DLG2: variants seen among roughly 807,000 people sequenced by gnomAD.
DLG2 encodes discs large MAGUK scaffold protein 2, also known as disks large homolog 2.
A neutral mutation model predicts 132.5 loss-of-function variants in DLG2; 45 were observed. The ratio of observed to expected loss-of-function variants is 0.34; its 90% confidence interval spans 0.27 to 0.44. The LOEUF is 0.44. DLG2 is among the 20% of genes least tolerant of loss of function. DLG2 has a pLI of 1.00. For missense variants in DLG2, 1,045 were observed against 1,196.9 expected (o/e 0.87, Z 1.87); for synonymous variants, 424 against 419.6 (o/e 1.01, Z -0.13).
At chr11:85,467,848 T>C (rs921173735) in intron 3 of DLG2, among the ~76,000 whole-genome samples, 2 of 152,242 alleles carry the variant, frequency 1.3e-5, no homozygotes, top group African/African-American at 4.8e-5. Context: ...GAGGATTCCC[T>C]CTTTTTCTAC....
intron 7 of DLG2, among the ~76,000 whole-genome samples, chr11:84,330,420 G>A (rs189710848): frequency 2.0e-3 from 301 of 152,216 alleles, no homozygotes; most frequent in Non-Finnish European, 3.2e-3. Flanking sequence ...ACCATATATA[G>A]TAAACATTGA....
chr11:84,391,319 T>C (rs1245345958), intron 7 of DLG2, among the ~76,000 whole-genome samples: 2 of 152,148 alleles, frequency 1.3e-5, no homozygotes, highest in Non-Finnish European at 2.9e-5. Context: ...ATATGAAATA[T>C]TTGATTGGAT....
chr11:84,742,890 T>C (rs1168884541), intron 6 of DLG2, among the ~76,000 whole-genome samples: 1 of 152,172 alleles, frequency 6.6e-6, no homozygotes, highest in Non-Finnish European at 1.5e-5. Context: ...TCTCATATAA[T>C]TGGAATCATA....
At chr11:84,925,710 A>G (rs1403360352) in intron 6 of DLG2, among the ~76,000 whole-genome samples, 1 of 152,198 alleles carries the variant, frequency 6.6e-6, no homozygotes, top group Non-Finnish European at 1.5e-5. Flanking sequence ...AGGCTTCCAT[A>G]CTGCAAGTGA....
chr11:84,396,931 A>C (rs1357416945), intron 7 of DLG2, among the ~76,000 whole-genome samples: 1 of 152,152 alleles, frequency 6.6e-6, no homozygotes, highest in African/African-American at 2.4e-5. Flanking sequence ...CAAAGGTCCT[A>C]AATTTAAGGG....
At chr11:83,893,731 G>T (rs915617888) in intron 15 of DLG2, among the ~76,000 whole-genome samples, 5 of 152,182 alleles carry the variant, frequency 3.3e-5, no homozygotes, top group African/African-American at 1.2e-4. Context: ...AACTTACTGA[G>T]AATTCTTTAA....
intron 7 of DLG2, among the ~76,000 whole-genome samples, chr11:84,328,041 C>T (rs1170890623): frequency 1.3e-5 from 2 of 152,120 alleles, no homozygotes; most frequent in East Asian, 3.9e-4. Context: ...CCAACTCTTC[C>T]CGTTCTAGAT....
At chr11:85,473,643 T>C (rs2093053855) in intron 3 of DLG2, among the ~76,000 whole-genome samples, 1 of 151,932 alleles carries the variant, frequency 6.6e-6, no homozygotes. Context: ...AATAAAATAT[T>C]ATACAATGTA....
chr11:84,541,076 G>A (rs1001840320), intron 6 of DLG2, among the ~76,000 whole-genome samples: 2 of 151,958 alleles, frequency 1.3e-5, no homozygotes, highest in Non-Finnish European at 2.9e-5. Flanking sequence ...AGCATTAGGA[G>A]ATATACCTAA....
intron 3 of DLG2, among the ~76,000 whole-genome samples, chr11:85,575,223 C>G (rs2078081675): frequency 6.6e-6 from 1 of 151,700 alleles, no homozygotes; most frequent in South Asian, 2.1e-4. Context: ...TAAGCATTTC[C>G]TACTACTGTT....
At chr11:85,553,632 G>A (rs188663369) in intron 3 of DLG2, among the ~76,000 whole-genome samples, 5 of 150,792 alleles carry the variant, frequency 3.3e-5, no homozygotes, top group Admixed American at 1.3e-4. Context: ...ACAAAGGAGT[G>A]GAATATAAAA....
At chr11:85,079,412 T>C (rs2066951120) in intron 6 of DLG2, among the ~76,000 whole-genome samples, 1 of 151,878 alleles carries the variant, frequency 6.6e-6, no homozygotes, top group Non-Finnish European at 1.5e-5. Context: ...CCTGAACTCA[T>C]GTTTAAGGTT....
At chr11:84,332,857 T>A (rs2098467206) in intron 7 of DLG2, among the ~76,000 whole-genome samples, 1 of 152,172 alleles carries the variant, frequency 6.6e-6, no homozygotes, top group Non-Finnish European at 1.5e-5. Flanking sequence ...CTGGTATGGT[T>A]ACTGTGCCAT....
intron 8 of DLG2, among the ~76,000 whole-genome samples, chr11:84,227,551 T>G (rs1198074558): frequency 1.3e-5 from 2 of 152,222 alleles, no homozygotes; most frequent in Non-Finnish European, 2.9e-5. Flanking sequence ...TATAATCATC[T>G]TGAGGGCAGA....
At chr11:84,352,794 A>G (rs773644714) in intron 7 of DLG2, among the ~76,000 whole-genome samples, 9 of 152,200 alleles carry the variant, frequency 5.9e-5, no homozygotes, top group Non-Finnish European at 1.3e-4. Flanking sequence ...GAACTTTATG[A>G]AAGAGAAAAG....
At chr11:85,511,831 G>C (rs2094078684) in intron 3 of DLG2, among the ~76,000 whole-genome samples, 1 of 151,400 alleles carries the variant, frequency 6.6e-6, no homozygotes, top group South Asian at 2.1e-4. Flanking sequence ...TGATCCTCCA[G>C]CCTCAGCCTC....
At chr11:84,327,360 G>A (rs2098437768) in intron 7 of DLG2, among the ~76,000 whole-genome samples, 2 of 152,124 alleles carry the variant, frequency 1.3e-5, no homozygotes, top group African/African-American at 4.8e-5. Flanking sequence ...TGGGATTGCA[G>A]TTGTGAGACA....
intron 3 of DLG2, among the ~76,000 whole-genome samples, chr11:85,522,305 C>A (rs944889235): frequency 2.6e-5 from 4 of 152,198 alleles, no homozygotes; most frequent in Non-Finnish European, 5.9e-5. Flanking sequence ...GTTTGGGGAA[C>A]CTCTCCCTAG....
intron 18 of DLG2, among the ~76,000 whole-genome samples, chr11:83,697,313 A>G (rs2082112957): frequency 6.6e-6 from 1 of 152,242 alleles, no homozygotes; most frequent in Admixed American, 6.5e-5. Flanking sequence ...CTTGACCTCT[A>G]ATTATCCAAA....
Sources: allele counts gnomAD v4.1 joint callset (sites outside exome capture counted in the v4.1 genomes callset), GRCh38; gene constraint gnomAD v4.1.1; transcripts MANE v1.5; gene names NCBI Gene and HGNC (gene_info 2026-07-23, HGNC 2026-07-21).